The following CUL3 variants were observed in gnomAD, a reference collection of about 807,000 sequenced individuals.
CUL3 encodes the protein cullin-3.
In CUL3, 19 loss-of-function variants were observed where a neutral mutation model predicts 89.1. That is an observed-to-expected ratio of 0.21 (90% CI 0.15 to 0.31). The LOEUF (loss-of-function observed/expected upper bound fraction) is 0.31. Ranked by LOEUF, CUL3 falls within the 10% of genes least tolerant of loss-of-function variation. CUL3 has a pLI of 1.00. For synonymous variants in CUL3, 351 were observed against 308.4 expected, an observed-to-expected ratio of 1.14 and a Z score of -1.45; for missense variants, 469 against 942.3, an observed-to-expected ratio of 0.50 and a Z score of 6.58.
intron 5 of CUL3, among the ~76,000 whole-genome samples, chr2:224,511,977 G>C (rs1341243047): frequency 6.6e-6 from 1 of 152,136 alleles, no homozygotes; most frequent in African/African-American, 2.4e-5. Context: ...TTTATCATAA[G>C]CTTTGCTGGC....
intron 8 of CUL3, chr2:224,505,678 C>T (rs1644120434): frequency 5.2e-6 from 1 of 191,866 alleles, no homozygotes. Flanking sequence ...TCAAGAGAGC[C>T]TCCTGTCTTG....
chr2:224,563,115 T>C (rs567167001), intron 1 of CUL3: 45 of 385,964 alleles, frequency 1.2e-4, no homozygotes, highest in South Asian at 3.3e-4. Context: ...GAAAGAAATA[T>C]AGCTTTTTCA....
intron 1 of CUL3, among the ~76,000 whole-genome samples, chr2:224,564,641 T>C (rs1442728290): frequency 6.6e-6 from 1 of 152,226 alleles, no homozygotes; most frequent in Non-Finnish European, 1.5e-5. Flanking sequence ...ACTGGGGGTC[T>C]TGGAATAAAC....
intron 1 of CUL3, among the ~76,000 whole-genome samples, chr2:224,561,639 CTT>C: frequency 6.6e-6 from 1 of 152,174 alleles, no homozygotes; most frequent in Admixed American, 6.5e-5. Flanking sequence ...CTGTCAGAGA[CTT>C]TTATCAAATG....
intron 1 of CUL3, among the ~76,000 whole-genome samples, chr2:224,561,418 G>A (rs553701088): frequency 1.3e-4 from 20 of 152,284 alleles, no homozygotes; most frequent in Admixed American, 9.8e-4. Context: ...CACGTCTGAT[G>A]TGTATGAATG....
Position 224,507,009 on chromosome 2 carries a change from A to T in CUL3, c.884-6T>A, listed in dbSNP as rs189198955. 1 of 1,607,288 alleles carries T rather than the reference A, an allele frequency of 6.2e-7. No individual in the cohort carries two copies. The highest frequency in any genetic ancestry group is 1.7e-5 in the Admixed American group (1 of 58,436). ...CTTGTACATGCAACCAAGGTCTACA[A>T]ATCAGAAAACACAAATTGGCTACAT... On this transcript the variant is annotated splice_region_variant and splice_polypyrimidine_tract_variant and intron_variant, in intron 6 of 15. Coordinates refer to ENST00000264414, the MANE Select transcript of CUL3 (RefSeq NM_003590.5).
chr2:224,533,406 A>G (rs1386301825), intron 3 of CUL3, among the ~76,000 whole-genome samples: 1 of 152,194 alleles, frequency 6.6e-6, no homozygotes, highest in Non-Finnish European at 1.5e-5. Context: ...TGAACTAATT[A>G]ACTTCTTGAC....
chr2:224,488,392 G>C (rs1192317547), intron 13 of CUL3, among the ~76,000 whole-genome samples: 2 of 151,898 alleles, frequency 1.3e-5, no homozygotes, highest in African/African-American at 2.4e-5. Flanking sequence ...ATAAAGGAGA[G>C]AGAAGAATCA....
intron 15 of CUL3, among the ~76,000 whole-genome samples, chr2:224,475,976 T>C (rs1047421338): frequency 3.9e-5 from 6 of 152,242 alleles, no homozygotes; most frequent in African/African-American, 1.4e-4. Context: ...CCACTACCTG[T>C]TTCTGTAAAA....
At chr2:224,568,753 G>A (rs1695108664) in intron 1 of CUL3, among the ~76,000 whole-genome samples, 1 of 152,136 alleles carries the variant, frequency 6.6e-6, no homozygotes, top group East Asian at 1.9e-4. Context: ...AGGCCCTTCA[G>A]AAGCAGATCA....
At chr2:224,500,253 G>T in intron 11 of CUL3, 110 bp downstream of exon 11, 1 of 1,273,548 alleles carries the variant, frequency 7.9e-7, no homozygotes, top group Non-Finnish European at 1.1e-6. Context: ...TGATCACGAG[G>T]TAATAAATGG....
chr2:224,543,077 C>A (rs1385199352), intron 2 of CUL3, among the ~76,000 whole-genome samples: 2 of 152,184 alleles, frequency 1.3e-5, no homozygotes, highest in African/African-American at 4.8e-5. Context: ...GGCAAAATCC[C>A]AGCCAGCCAA....
intron 1 of CUL3, among the ~76,000 whole-genome samples, chr2:224,580,772 C>A (rs908455691): frequency 1.3e-5 from 2 of 152,054 alleles, no homozygotes; most frequent in Non-Finnish European, 2.9e-5. Context: ...TATAAAATAT[C>A]CAGTAAGTTC....
At chr2:224,498,158 TA>T in intron 11 of CUL3, among the ~76,000 whole-genome samples, 1 of 152,310 alleles carries the variant, frequency 6.6e-6, no homozygotes, top group East Asian at 1.9e-4. Flanking sequence ...TTCTCCATAG[TA>T]ACCCAATAAT....
At chr2:224,500,918 C>A (rs4674916) in intron 10 of CUL3, among the ~76,000 whole-genome samples, 45,121 of 151,808 alleles carry the variant, frequency 0.3, 6,900 homozygotes, top group Middle Eastern at 0.4. Flanking sequence ...GACATCGCAC[C>A]CGGCAAAAAA....
In CUL3 at chr2:224,557,874, G is replaced by GAAAAAAA; in HGVS notation, c.67-19_67-18insTTTTTTT. ...ATGGTCATCTGTAATATCCAAGAGA[G>GAAAAAAA]AGAAGAGACAAAAAAAAAAAAAAAA... On this transcript the variant is annotated intron_variant, in intron 1 of 15. Transcript: ENST00000264414. The GAAAAAAA allele has an allele frequency of 5.2e-6, 1 of 191,706 alleles. No homozygotes were observed. The highest frequency in any genetic ancestry group is 9.1e-6 in the Non-Finnish European group (1 of 109,872). 11.9% of individuals were successfully genotyped at this position (191,706 alleles called of 1,614,324 possible).
At chr2:224,539,056 G>A (rs1447298216) in intron 2 of CUL3, among the ~76,000 whole-genome samples, 1 of 152,034 alleles carries the variant, frequency 6.6e-6, no homozygotes, top group East Asian at 1.9e-4. Context: ...CAGACTGGGA[G>A]AAAGTATTTG....
chr2:224,496,118 C>T, intron 12 of CUL3, 152 bp from the exon 13 acceptor site: 3 of 736,632 alleles, frequency 4.1e-6, no homozygotes, highest in South Asian at 1.9e-5. Flanking sequence ...GCAGCCTCAA[C>T]CTCCTGGGCT....
At chr2:224,498,380 T>C (rs1632705) in intron 11 of CUL3, among the ~76,000 whole-genome samples, 1 of 152,218 alleles carries the variant, frequency 6.6e-6, no homozygotes, top group Admixed American at 6.5e-5. Context: ...ATATTTATGT[T>C]TTTTGTCACT....
Sources: gnomAD v4.1 joint callset for allele counts (sites outside exome capture counted in the v4.1 genomes callset) on GRCh38, gnomAD v4.1.1 for gene constraint, MANE v1.5 for transcripts, NCBI Gene and HGNC (gene_info 2026-07-23, HGNC 2026-07-21) for gene names.